The following EPS8L3 variants were observed in gnomAD, a reference collection of about 807,000 sequenced individuals.
EPS8L3 encodes epidermal growth factor receptor kinase substrate 8-like protein 3.
A neutral mutation model predicts 88.5 loss-of-function variants in EPS8L3; 80 were observed. That is an observed-to-expected ratio of 0.90 (90% CI 0.75 to 1.09). EPS8L3 has a LOEUF of 1.09. Among genes scored for constraint, EPS8L3 ranks in the 50% least tolerant of loss-of-function variants. The pLI, the probability that EPS8L3 is intolerant of heterozygous loss-of-function variation, is 0.00. For synonymous variants in EPS8L3, 286 were observed against 291.0 expected (o/e 0.98, Z 0.18); for missense variants, 721 against 735.2 (o/e 0.98, Z 0.22).
At chr1:109,750,454 A>G in intron 18 of EPS8L3, 52 bp from the exon 19 acceptor site, 1 of 1,610,054 alleles carries the variant, frequency 6.2e-7, no homozygotes, top group South Asian at 1.1e-5. Flanking sequence ...AGGGATCTGC[A>G]GAGCTTATGC....
Position 109,752,736 on chromosome 1 carries a change from CAG to C in EPS8L3, c.1201-18_1201-17del, listed in dbSNP as rs944761647. ...CTAAGGGTGCCTGTAAGGGACAGAA[CAG>C]AGAGTGAGTAAGAGCAGGAGGCAGC... is the stretch of plus-strand genomic sequence containing the variant. On this transcript the variant is annotated splice_polypyrimidine_tract_variant and intron_variant, in intron 13 of 18. Coordinates refer to ENST00000361965, the MANE Select transcript of EPS8L3 (RefSeq NM_133181.4). 3 of 1,551,496 alleles carry C rather than the reference CAG, an allele frequency of 1.9e-6. No individual in the cohort carries two copies. Among genetic ancestry groups the C allele is most frequent in the African/African-American group, 2.7e-5 (2 of 73,018 alleles).
At position 109,759,633 on chromosome 1, in the gene EPS8L3, C is replaced by A; in HGVS notation, c.255+45G>T. ...AGTTCAAGAGCTAGTGCTTGCTTCC[C>A]CACAGCCCAGGCTGGCTATCACTGG... is the stretch of plus-strand genomic sequence containing the variant. On this transcript the variant is annotated intron_variant, in intron 4 of 18. Coordinates refer to ENST00000361965, the MANE Select transcript of EPS8L3 (RefSeq NM_133181.4). The surrounding 1 kb of genome is among the most constrained non-coding windows in gnomAD (Gnocchi z 4.2). 1 of 1,599,900 alleles carries A rather than the reference C, an allele frequency of 6.3e-7. No individual in the cohort carries two copies. The highest frequency in any genetic ancestry group is 1.1e-5 in the South Asian group (1 of 88,812).
At chr1:109,756,213 C>T (rs1650269311) in intron 12 of EPS8L3, among the ~76,000 whole-genome samples, 1 of 152,208 alleles carries the variant, frequency 6.6e-6, no homozygotes, top group Admixed American at 6.5e-5. Context: ...CTCCCACTCC[C>T]CTGGCTCTCA....
intron 14 of EPS8L3, chr1:109,752,415 C>T: frequency 1.6e-6 from 1 of 608,070 alleles, no homozygotes; most frequent in South Asian, 2.1e-5. Flanking sequence ...GTGGAATTTT[C>T]TACATCTGAG....
At chr1:109,752,633 C>T in intron 14 of EPS8L3, 53 bp downstream of exon 14, 1 of 1,493,872 alleles carries the variant, frequency 6.7e-7, no homozygotes, top group Non-Finnish European at 9.1e-7. Context: ...AAAGGAACAG[C>T]CCTGTCCCTC....
chr1:109,750,103 GAGA>G lies in EPS8L3; in HGVS notation c.*285_*287del. The G allele has an allele frequency of 2.1e-6, 1 of 479,976 alleles. No homozygotes were observed. The highest frequency in any genetic ancestry group is 3.7e-6 in the Non-Finnish European group (1 of 269,870). The allele number at this position is 479,976 out of a possible 1,614,324, so 29.7% of individuals were successfully genotyped here. The stretch of plus-strand genomic sequence containing the variant: ...TGACAAGCTTGAAGATGCTTTTATT[GAGA>G]AGGAGAGGGACTGAACAGATTCTTG... On this transcript the variant is annotated 3_prime_UTR_variant, in exon 19 of 19. Transcript: ENST00000361965.
At chr1:109,762,393 A>G (rs1057157653) in intron 1 of EPS8L3, among the ~76,000 whole-genome samples, 21 of 151,990 alleles carry the variant, frequency 1.4e-4, no homozygotes, top group Admixed American at 3.3e-4. Flanking sequence ...TCCTCTGCCC[A>G]GGTCCCCTCC....
chr1:109,750,886 T>C, intron 17 of EPS8L3, 94 bp from the exon 18 acceptor site: 4 of 1,487,768 alleles, frequency 2.7e-6, no homozygotes, highest in Middle Eastern at 1.9e-4. Context: ...GGCTCGGAGG[T>C]TGGGGTTACA....
chr1:109,752,162 G>GT lies in EPS8L3; in HGVS notation c.1266dup (p.His423ThrfsTer11). On this transcript the variant is annotated frameshift_variant, in exon 15 of 19. Coordinates refer to ENST00000361965, the MANE Select transcript of EPS8L3 (RefSeq NM_133181.4). LOFTEE classifies it high-confidence loss of function. ...TTGTGTGTCTTCTCCTGAGGAAAGT[G>GT]TGAGGTGCTCCCTAACCTATGACTT... 1 of 1,614,148 alleles carries GT rather than the reference G, an allele frequency of 6.2e-7. No homozygotes were observed. Among genetic ancestry groups the GT allele is most frequent in the South Asian group, 1.1e-5 (1 of 91,074 alleles).
At position 109,761,639 on chromosome 1, in the gene EPS8L3, G is replaced by A. The variant is rs542233984; in HGVS notation, c.31+80C>T. The A allele has an allele frequency of 5.6e-6, 9 of 1,604,998 alleles. No homozygotes were observed. The East Asian group carries it at 1.8e-4, about 32-fold the overall frequency. On this transcript the variant is annotated intron_variant, in intron 2 of 18. Coordinates refer to ENST00000361965, the MANE Select transcript of EPS8L3 (RefSeq NM_133181.4). ...CAGGCAACTGCTGGGGGCAGTTGGT[G>A]TGAGGAAGGGGGAGTGGAGGATGGG...
In EPS8L3 at chr1:109,758,543, G is replaced by T. The variant is rs1472898307; in HGVS notation, c.582C>A (p.His194Gln). 6.2e-7 allele frequency: 1 copy of T among 1,608,164 alleles called. No homozygotes were observed. ...ACTTACTGTGCTCTAGGGTCCTCTG[G>T]TGGGGCTGTTCTGGAGGGATCCCCG... Reference protein sequence around the residue: ...LEPGIPPEQPHQRTLEHSLPP... With the variant: ...LEPGIPPEQPQQRTLEHSLPP... The change falls in exon 7 of 19, where the codon CAC (histidine) becomes CAA (glutamine). Residue 194 changes from histidine (H) to glutamine (Q), a missense_variant. By Grantham distance (24) the His-to-Gln change is conservative. Coordinates refer to ENST00000361965, the MANE Select transcript of EPS8L3 (RefSeq NM_133181.4).
chr1:109,753,721 A>G (rs1327716756), intron 12 of EPS8L3, among the ~76,000 whole-genome samples: 7 of 152,064 alleles, frequency 4.6e-5, no homozygotes, highest in Admixed American at 3.9e-4. Context: ...CCCCTCGCCC[A>G]TTACACAGGG....
intron 12 of EPS8L3, among the ~76,000 whole-genome samples, chr1:109,756,173 T>C (rs1295197866): frequency 2.0e-5 from 3 of 152,246 alleles, no homozygotes; most frequent in African/African-American, 7.2e-5. Context: ...GTTCCAAGGA[T>C]GCCTCAGCTC....
chr1:109,760,452 C>T (rs1330685245), intron 3 of EPS8L3, among the ~76,000 whole-genome samples: 2 of 152,162 alleles, frequency 1.3e-5, no homozygotes, highest in Non-Finnish European at 2.9e-5. Context: ...GCCCCTTCCA[C>T]CCAGGCTTCT....
Position 109,751,723 on chromosome 1 carries a change from G to C in EPS8L3, c.1494C>G (p.Tyr498Ter). 4 of 1,613,856 alleles carry C rather than the reference G, an allele frequency of 2.5e-6. No individual in the cohort carries two copies. The highest frequency in any genetic ancestry group is 3.4e-6 in the Non-Finnish European group (4 of 1,179,996). ...GGGGCTCCAGGATGTTGCTTGGAAT[G>C]TAGCCGCTCCGTCCCGCCTCATTCT... ...LVKNEAGRSGYIPSNILEPLQ... is the reference protein window; with the variant it reads ...LVKNEAGRSG The change falls in exon 16 of 19, where the codon TAC (tyrosine) becomes TAG (stop). Residue 498 changes from tyrosine (Y) to a stop codon, truncating the protein, a stop_gained. Transcript: ENST00000361965. LOFTEE classifies it high-confidence loss of function.
Position 109,759,501 on chromosome 1 carries a change from C to T in EPS8L3, c.256-114G>A, listed in dbSNP as rs776316653. On this transcript the variant is annotated intron_variant, in intron 4 of 18. Transcript: ENST00000361965. This position sits in a 1 kb window ranked among gnomAD's most constrained non-coding sequence, Gnocchi z 4.2. ...TGGCCTAGGGCTGAGGTGTCATCTA[C>T]CTGACTCTTGTGCCTCTGTCCCCAG... 107 of 1,532,094 alleles carry T rather than the reference C, an allele frequency of 7.0e-5. 1 individual carries two copies. The Middle Eastern group carries it at 1.3e-3, about 19-fold the overall frequency. 94.9% of individuals were successfully genotyped at this position (1,532,094 alleles called of 1,614,324 possible).
Position 109,759,385 on chromosome 1 carries a change from C to T in EPS8L3, c.258G>A (p.Glu86=), listed in dbSNP as rs891012163. The T allele has an allele frequency of 1.9e-6, 3 of 1,613,532 alleles. No individual in the cohort carries two copies. In the African/African-American group the frequency reaches 4.0e-5, roughly 22 times the overall value. ...TGTCTAGGCGGTAAGAGTCCAGCTC[C>T]TCCTGGGCCAGGTGGAGAGGTCAAC... is the stretch of plus-strand genomic sequence containing the variant. ...WLQLLDIETK[E]ELDSYRLDSI... is the part of the protein sequence containing the mutation. The change falls in exon 5 of 19, where the codon GAG becomes GAA. Residue 86 remains glutamate (E), a splice_region_variant and synonymous_variant. Transcript: ENST00000361965. The surrounding 1 kb of genome is among the most constrained non-coding windows in gnomAD (Gnocchi z 4.2).
At chr1:109,758,250 G>T in intron 8 of EPS8L3, 66 bp downstream of exon 8, 1 of 1,473,758 alleles carries the variant, frequency 6.8e-7, no homozygotes, top group Non-Finnish European at 9.4e-7. Flanking sequence ...AAAAGAGGGA[G>T]GGTTGGTGTC....
At chr1:109,763,641 T>C (rs1228003448) in intron 1 of EPS8L3, among the ~76,000 whole-genome samples, 181 bp downstream of exon 1, 1 of 152,208 alleles carries the variant, frequency 6.6e-6, no homozygotes, top group Non-Finnish European at 1.5e-5. Flanking sequence ...GACCTCGCTC[T>C]GCTTTCCAGC....
Sources: gnomAD v4.1 joint callset for allele counts (sites outside exome capture counted in the v4.1 genomes callset) on GRCh38, gnomAD v4.1.1 for gene constraint, Gnocchi (gnomAD v3.1) non-coding constraint, MANE v1.5 for transcripts, NCBI Gene and HGNC (gene_info 2026-07-23, HGNC 2026-07-21) for gene names.